COBL: variants seen among roughly 807,000 people sequenced by gnomAD.
COBL encodes cordon-bleu WH2 repeat protein, also known as protein cordon-bleu.
A neutral mutation model predicts 98.8 loss-of-function variants in COBL; 51 were observed. That is an observed-to-expected ratio of 0.52 (90% CI 0.41 to 0.65). COBL has a LOEUF of 0.65. COBL is among the 30% of genes least tolerant of loss of function. The pLI, the probability that COBL is intolerant of heterozygous loss-of-function variation, is 0.00. For synonymous variants in COBL, 634 were observed against 651.7 expected, an observed-to-expected ratio of 0.97 and a Z score of 0.41; for missense variants, 1,617 against 1,617.5, an observed-to-expected ratio of 1.00 and a Z score of 0.01.
intron 1 of COBL, among the ~76,000 whole-genome samples, chr7:51,268,366 C>T (rs951282879): frequency 2.0e-5 from 3 of 152,200 alleles, no homozygotes; most frequent in African/African-American, 7.2e-5. Flanking sequence ...AAGCTCTGCC[C>T]TCTGGACCCT....
intron 7 of COBL, among the ~76,000 whole-genome samples, chr7:51,059,869 A>T (rs1405351938): frequency 6.6e-6 from 1 of 152,124 alleles, no homozygotes; most frequent in Non-Finnish European, 1.5e-5. Flanking sequence ...GCATTACCCA[A>T]CGTGGCCTGT....
intron 6 of COBL, among the ~76,000 whole-genome samples, chr7:51,123,435 T>A (rs941685466): frequency 6.6e-6 from 1 of 152,142 alleles, no homozygotes; most frequent in Non-Finnish European, 1.5e-5. Flanking sequence ...ACTTGCCAGT[T>A]TTGCTTAATT....
At chr7:51,219,272 T>C (rs1161669057) in intron 2 of COBL, among the ~76,000 whole-genome samples, 1 of 152,192 alleles carries the variant, frequency 6.6e-6, no homozygotes. Flanking sequence ...AAACCTGAAA[T>C]ATTTTCACTT....
intron 7 of COBL, among the ~76,000 whole-genome samples, chr7:51,075,443 C>T (rs1792978598): frequency 6.6e-6 from 1 of 152,142 alleles, no homozygotes. Flanking sequence ...AGATCCGATA[C>T]ATGTAAACAA....
intron 1 of COBL, among the ~76,000 whole-genome samples, chr7:51,249,617 T>C (rs537161174): frequency 6.6e-6 from 1 of 152,348 alleles, no homozygotes; most frequent in East Asian, 1.9e-4. Context: ...TTGTTCTGAT[T>C]TGACACCTTC....
intron 5 of COBL, among the ~76,000 whole-genome samples, chr7:51,149,846 A>C (rs1166826688): frequency 1.3e-5 from 2 of 152,132 alleles, no homozygotes; most frequent in Non-Finnish European, 2.9e-5. Context: ...GCTGGTCTTG[A>C]ACTCCTGACC....
chr7:51,023,931 T>C (rs1483537073), intron 12 of COBL, among the ~76,000 whole-genome samples: 6 of 152,198 alleles, frequency 3.9e-5, no homozygotes, highest in African/African-American at 1.4e-4. Flanking sequence ...GCCCACTTTA[T>C]ATAGAAAGTG....
At chr7:51,042,092 G>A (rs923364283) in intron 8 of COBL, among the ~76,000 whole-genome samples, 3 of 152,060 alleles carry the variant, frequency 2.0e-5, no homozygotes, top group Non-Finnish European at 4.4e-5. Context: ...AGGTACAAGA[G>A]GGCCCAAATG....
chr7:51,251,126 C>T (rs1311458594), intron 1 of COBL, among the ~76,000 whole-genome samples: 2 of 152,062 alleles, frequency 1.3e-5, no homozygotes, highest in Non-Finnish European at 2.9e-5. Flanking sequence ...ACATCTCGAG[C>T]AGCAACTGTT....
intron 1 of COBL, among the ~76,000 whole-genome samples, chr7:51,252,465 A>G (rs551663944): frequency 2.6e-5 from 4 of 152,262 alleles, no homozygotes; most frequent in African/African-American, 9.6e-5. Flanking sequence ...GACATTTCAC[A>G]TAAGTGAAAT....
intron 1 of COBL, among the ~76,000 whole-genome samples, chr7:51,298,139 G>A (rs1801593358): frequency 6.6e-6 from 1 of 152,190 alleles, no homozygotes. Flanking sequence ...CTGCCATTTT[G>A]TGAAGACACT....
intron 1 of COBL, among the ~76,000 whole-genome samples, chr7:51,278,379 CTTTTTTTTT>C (rs10649607): frequency 1.7e-5 from 2 of 119,520 alleles, no homozygotes; most frequent in Non-Finnish European, 3.3e-5. Context: ...TAGACAGGAT[CTTTTTTTTT>C]TTTTTTTTTT....
At chr7:51,094,205 T>C (rs929353994) in intron 6 of COBL, among the ~76,000 whole-genome samples, 15 of 151,646 alleles carry the variant, frequency 9.9e-5, no homozygotes, top group African/African-American at 3.6e-4. Flanking sequence ...AATAGAAAGG[T>C]GGCAACCAGA....
chr7:51,311,164 C>T (rs1011890397), intron 1 of COBL, among the ~76,000 whole-genome samples: 3 of 152,168 alleles, frequency 2.0e-5, no homozygotes, highest in Admixed American at 1.3e-4. Context: ...AAAGCTTTTT[C>T]TCTTTTTTAA....
At chr7:51,184,967 A>C (rs1789353767) in intron 4 of COBL, among the ~76,000 whole-genome samples, 1 of 152,264 alleles carries the variant, frequency 6.6e-6, no homozygotes, top group African/African-American at 2.4e-5. Context: ...ACCTTTCCAG[A>C]TTTTCCTTCC....
At chr7:51,270,305 T>C (rs1263885870) in intron 1 of COBL, among the ~76,000 whole-genome samples, 1 of 152,168 alleles carries the variant, frequency 6.6e-6, no homozygotes, top group Non-Finnish European at 1.5e-5. Context: ...ATAGTGGTAG[T>C]TCCGTTCAAG....
intron 1 of COBL, among the ~76,000 whole-genome samples, chr7:51,268,866 G>A (rs1440917018): frequency 1.3e-5 from 2 of 151,000 alleles, no homozygotes; most frequent in Non-Finnish European, 2.9e-5. Context: ...GGAGGTGGAG[G>A]TTGTGGTGAG....
intron 6 of COBL, among the ~76,000 whole-genome samples, chr7:51,097,606 G>A (rs1032078986): frequency 6.6e-6 from 1 of 152,012 alleles, no homozygotes; most frequent in Non-Finnish European, 1.5e-5. Flanking sequence ...CAAAGTTGCA[G>A]GATACAAAAT....
At chr7:51,224,829 C>G (rs558970420) in intron 1 of COBL, among the ~76,000 whole-genome samples, 1 of 152,268 alleles carries the variant, frequency 6.6e-6, no homozygotes, top group East Asian at 1.9e-4. Context: ...TGCCACCATA[C>G]CCGGCTAATT....
Sources: gnomAD v4.1 joint callset for allele counts (sites outside exome capture counted in the v4.1 genomes callset) on GRCh38, gnomAD v4.1.1 for gene constraint, MANE v1.5 for transcripts, NCBI Gene and HGNC (gene_info 2026-07-23, HGNC 2026-07-21) for gene names.